KIRREL3: variants seen among roughly 807,000 people sequenced by gnomAD.
KIRREL3 encodes kin of IRRE-like protein 3.
In KIRREL3, 36 loss-of-function variants were observed where a neutral mutation model predicts 89.7. That is an observed-to-expected ratio of 0.40 (90% CI 0.31 to 0.53). The LOEUF is 0.53. KIRREL3 is among the 20% of genes least tolerant of loss of function. The pLI is 0.49. For synonymous variants in KIRREL3, 445 were observed against 441.4 expected (o/e 1.01, Z -0.10); for missense variants, 864 against 1,056.6 (o/e 0.82, Z 2.53).
rs1035893688 is a variant in KIRREL3, at chr11:126,764,852, G to C, written c.56-201940C>G. 6.6e-6 allele frequency among the ~76,000 whole-genome samples: 1 copy of C among 152,156 alleles called. No homozygotes were observed. Among genetic ancestry groups the C allele is most frequent in the Non-Finnish European group, 1.5e-5 (1 of 68,014 alleles). Reference sequence around the variant, plus strand: ...CAGCTCTCCTTTGGACTAGGCCTTTGGCAGGAGTCCTCTACTCTCGGCCTG... The same window carrying C: ...CAGCTCTCCTTTGGACTAGGCCTTTCGCAGGAGTCCTCTACTCTCGGCCTG... On this transcript the variant is annotated intron_variant, in intron 1 of 16. Transcript: ENST00000525144. This position sits in a 1 kb window ranked among gnomAD's most constrained non-coding sequence, Gnocchi z 4.2.
Position 126,578,683 on chromosome 11 carries a change from C to T in KIRREL3, c.56-15771G>A, listed in dbSNP as rs546043745. Among the ~76,000 whole-genome samples, 7 of 152,140 alleles carry T rather than the reference C, an allele frequency of 4.6e-5. No homozygotes were observed. The highest frequency in any genetic ancestry group is 1.0e-4 in the Non-Finnish European group (7 of 68,034). ...CCGCCTCACACCCATGGAGAGTTCT[C>T]GCAATGGGTATGGCAAACTTCCTGA... On this transcript the variant is annotated intron_variant, in intron 1 of 16. Coordinates refer to ENST00000525144, the MANE Select transcript of KIRREL3 (RefSeq NM_032531.4). This position sits in a 1 kb window ranked among gnomAD's most constrained non-coding sequence, Gnocchi z 4.9.
chr11:126,717,141 C>T (rs3909729), intron 1 of KIRREL3, among the ~76,000 whole-genome samples: 59,099 of 151,986 alleles, frequency 0.39, 11,910 homozygotes, highest in Non-Finnish European at 0.44. Context: ...CTTCCTTAGA[C>T]CTTCACGCTG....
At chr11:126,631,040 T>C (rs977529254) in intron 1 of KIRREL3, among the ~76,000 whole-genome samples, 2 of 152,184 alleles carry the variant, frequency 1.3e-5, no homozygotes, top group Non-Finnish European at 2.9e-5. Flanking sequence ...ATGAAACCAA[T>C]CTTTCTTCTC....
chr11:126,899,543 A>C lies in KIRREL3; in HGVS notation c.55+100912T>G, dbSNP rs890166518. 3.9e-5 allele frequency among the ~76,000 whole-genome samples: 6 copies of C among 152,208 alleles called. No individual in the cohort carries two copies. In the East Asian group the frequency reaches 1.2e-3, roughly 29 times the overall value. On this transcript the variant is annotated intron_variant, in intron 1 of 16. Transcript: ENST00000525144. Reference sequence around the variant, plus strand: ...TTTCTCCTTCCATCTAACCAATTTGAAACAAAGACAAGGAAGGCAAAGCTT... The same window carrying C: ...TTTCTCCTTCCATCTAACCAATTTGCAACAAAGACAAGGAAGGCAAAGCTT...
chr11:126,793,281 GA>G (rs904228884), intron 1 of KIRREL3, among the ~76,000 whole-genome samples: 50 of 152,278 alleles, frequency 3.3e-4, no homozygotes, highest in African/African-American at 1.2e-3. Flanking sequence ...ATTCACTGGG[GA>G]CCATGGGTCT....
At chr11:126,648,484 C>T (rs1396306317) in intron 1 of KIRREL3, among the ~76,000 whole-genome samples, 4 of 152,146 alleles carry the variant, frequency 2.6e-5, no homozygotes, top group African/African-American at 7.2e-5. Flanking sequence ...AAATGTGCAC[C>T]CCACGCCTAT....
Position 126,694,142 on chromosome 11 carries a change from C to T in KIRREL3, c.56-131230G>A, listed in dbSNP as rs1203087931. 1.3e-5 allele frequency among the ~76,000 whole-genome samples: 2 copies of T among 152,196 alleles called. No homozygotes were observed. The highest frequency in any genetic ancestry group is 2.4e-5 in the African/African-American group (1 of 41,442). Reference sequence around the variant, plus strand: ...GCTCCATCCCTAAGGGAGCCACATTCGTTTTTTTTCCTTTCAAAGTCGTCA... The same window carrying T: ...GCTCCATCCCTAAGGGAGCCACATTTGTTTTTTTTCCTTTCAAAGTCGTCA... On this transcript the variant is annotated intron_variant, in intron 1 of 16. Transcript: ENST00000525144. The surrounding 1 kb of genome is among the most constrained non-coding windows in gnomAD (Gnocchi z 4.4).
rs981775848 is a variant in KIRREL3 at position 126,521,899 on chromosome 11, C to T, written c.284-435G>A. ...AGCTGGGACTACAGACATGCACCAC[C>T]ACGTCGGCTAATTTTTTTATCTTTT... On this transcript the variant is annotated intron_variant, in intron 3 of 16. Transcript: ENST00000525144. The surrounding 1 kb of genome is among the most constrained non-coding windows in gnomAD (Gnocchi z 4.1). Among the ~76,000 whole-genome samples, 2 of 151,984 alleles carry T rather than the reference C, an allele frequency of 1.3e-5. No individual in the cohort carries two copies. The highest frequency in any genetic ancestry group is 4.8e-5 in the African/African-American group (2 of 41,368).
At chr11:126,436,774 T>C in intron 12 of KIRREL3, 37 bp downstream of exon 12, 1 of 1,610,090 alleles carries the variant, frequency 6.2e-7, no homozygotes, top group Non-Finnish European at 8.5e-7. Flanking sequence ...TCTGGTTCCA[T>C]CGTTCGTTGT....
chr11:126,650,215 G>A (rs1944857930), intron 1 of KIRREL3, among the ~76,000 whole-genome samples: 1 of 152,264 alleles, frequency 6.6e-6, no homozygotes, highest in South Asian at 2.1e-4. Flanking sequence ...AGGAAGGGCT[G>A]CCACGAAAAC....
Position 126,766,440 on chromosome 11 carries a change from C to G in KIRREL3, c.56-203528G>C, listed in dbSNP as rs201717805. On this transcript the variant is annotated intron_variant, in intron 1 of 16. Transcript: ENST00000525144. The surrounding 1 kb of genome is among the most constrained non-coding windows in gnomAD (Gnocchi z 4.2). Reference sequence around the variant, plus strand: ...TTTGCTTTTTCTCTCTTTTCTCCTCCCTAGGTATGGCATTGTCCCTTTTCT... The same window carrying G: ...TTTGCTTTTTCTCTCTTTTCTCCTCGCTAGGTATGGCATTGTCCCTTTTCT... 6.6e-6 allele frequency among the ~76,000 whole-genome samples: 1 copy of G among 152,026 alleles called. No homozygotes were observed. The highest frequency in any genetic ancestry group is 1.5e-5 in the Non-Finnish European group (1 of 68,020).
rs1024975823 is a variant in KIRREL3, at chr11:126,904,660, T to C, written c.55+95795A>G. On this transcript the variant is annotated intron_variant, in intron 1 of 16. Transcript: ENST00000525144. This position sits in a 1 kb window ranked among gnomAD's most constrained non-coding sequence, Gnocchi z 4.4. ...CTGTTCTTACTTATACCAAGAACAA[T>C]CTGTCTCCTGCTACAGTTTAGCACA... Among the ~76,000 whole-genome samples the C allele has an allele frequency of 6.6e-6, 1 of 152,218 alleles. No homozygotes were observed. Among genetic ancestry groups the C allele is most frequent in the Non-Finnish European group, 1.5e-5 (1 of 68,028 alleles).
chr11:126,680,509 G>C (rs1056939012), intron 1 of KIRREL3, among the ~76,000 whole-genome samples: 7 of 152,080 alleles, frequency 4.6e-5, no homozygotes, highest in African/African-American at 1.7e-4. Context: ...GGAGGTAGTA[G>C]GGTCTTCCCC....
Position 126,969,104 on chromosome 11 carries a change from A to C in KIRREL3, c.55+31351T>G, listed in dbSNP as rs192023169. ...CGTGTGAGGGAATCAGGTGCATTGC[A>C]CAGTCATCTCCTGCTCAAGACAGAG... On this transcript the variant is annotated intron_variant, in intron 1 of 16. Coordinates refer to ENST00000525144, the MANE Select transcript of KIRREL3 (RefSeq NM_032531.4). The surrounding 1 kb of genome is among the most constrained non-coding windows in gnomAD (Gnocchi z 4.9). 8.5e-4 allele frequency among the ~76,000 whole-genome samples: 129 copies of C among 152,280 alleles called. No homozygotes were observed. Among genetic ancestry groups the C allele is most frequent in the African/African-American group, 2.9e-3 (120 of 41,558 alleles).
intron 1 of KIRREL3, among the ~76,000 whole-genome samples, chr11:126,858,979 G>A (rs1456399309): frequency 3.3e-5 from 5 of 152,180 alleles, no homozygotes; most frequent in African/African-American, 7.2e-5. Flanking sequence ...AGTGGCAGCC[G>A]CTGAGGGATG....
rs913201607 is a variant in KIRREL3, at chr11:126,652,362, A to C, written c.56-89450T>G. Among the ~76,000 whole-genome samples, 1 of 152,146 alleles carries C rather than the reference A, an allele frequency of 6.6e-6. No individual in the cohort carries two copies. The highest frequency in any genetic ancestry group is 1.5e-5 in the Non-Finnish European group (1 of 68,024). ...CAAAGAAGAACCAAGACAGGAGAGG[A>C]AGCCTGGGCCAAGCCTGCCTAGGGA... On this transcript the variant is annotated intron_variant, in intron 1 of 16. Coordinates refer to ENST00000525144, the MANE Select transcript of KIRREL3 (RefSeq NM_032531.4). The surrounding 1 kb of genome is among the most constrained non-coding windows in gnomAD (Gnocchi z 4.9).
chr11:126,724,624 G>A lies in KIRREL3; in HGVS notation c.56-161712C>T, dbSNP rs529650193. ...AGCTGCTCTGTAGATATGTCATGTC[G>A]AGATTGAATTCAGGTATAGTTTTAG... On this transcript the variant is annotated intron_variant, in intron 1 of 16. Transcript: ENST00000525144. The surrounding 1 kb of genome is among the most constrained non-coding windows in gnomAD (Gnocchi z 4.3). Among the ~76,000 whole-genome samples the A allele has an allele frequency of 1.5e-4, 23 of 152,258 alleles. No individual in the cohort carries two copies. Among genetic ancestry groups the A allele is most frequent in the African/African-American group, 4.8e-4 (20 of 41,570 alleles).
chr11:126,457,406 T>G (rs560606501), intron 6 of KIRREL3, among the ~76,000 whole-genome samples: 74 of 151,790 alleles, frequency 4.9e-4, no homozygotes, highest in African/African-American at 1.8e-3. Context: ...TATGTGTGTA[T>G]GCACGTGTGT....
At chr11:126,956,494 T>C (rs1487303708) in intron 1 of KIRREL3, among the ~76,000 whole-genome samples, 1 of 152,166 alleles carries the variant, frequency 6.6e-6, no homozygotes, top group East Asian at 1.9e-4. Context: ...TTAGCAACTG[T>C]GCTTACTGGG....
Sources: allele counts gnomAD v4.1 joint callset (sites outside exome capture counted in the v4.1 genomes callset), GRCh38; gene constraint gnomAD v4.1.1; non-coding constraint Gnocchi (gnomAD v3.1); transcripts MANE v1.5; gene names NCBI Gene and HGNC (gene_info 2026-07-23, HGNC 2026-07-21).